The following TMOD2 variants were observed in gnomAD, a reference collection of about 807,000 sequenced individuals.
TMOD2 encodes tropomodulin 2, also known as tropomodulin-2.
In TMOD2, 22 loss-of-function variants were observed where a neutral mutation model predicts 39.9. The observed-to-expected ratio is 0.55, with a 90% CI of 0.39 to 0.79. The LOEUF (loss-of-function observed/expected upper bound fraction) is 0.79. TMOD2 is among the 30% of genes least tolerant of loss of function. The pLI is 0.00. For synonymous variants in TMOD2, 123 were observed against 146.1 expected, an observed-to-expected ratio of 0.84 and a Z score of 1.14; for missense variants, 386 against 413.3, an observed-to-expected ratio of 0.93 and a Z score of 0.57.
At chr15:51,774,116 T>A (rs962074656) in intron 4 of TMOD2, among the ~76,000 whole-genome samples, 1 of 152,210 alleles carries the variant, frequency 6.6e-6, no homozygotes, top group Admixed American at 6.5e-5. Context: ...ATTTAGAGAA[T>A]AAAACAACAG....
intron 5 of TMOD2, among the ~76,000 whole-genome samples, chr15:51,778,507 T>A (rs1344218613): frequency 2.7e-4 from 37 of 138,932 alleles, no homozygotes; most frequent in Non-Finnish European, 4.5e-4. Flanking sequence ...AATTAAAAAT[T>A]AAAAAAAAAA....
intron 1 of TMOD2, among the ~76,000 whole-genome samples, chr15:51,765,840 A>T (rs775496735): frequency 1.3e-5 from 2 of 152,252 alleles, no homozygotes; most frequent in Non-Finnish European, 2.9e-5. Context: ...GAGTTACTGG[A>T]CAATGCTTTC....
chr15:51,782,828 T>C lies in TMOD2; in HGVS notation c.732T>C (p.Ile244=). 1 of 1,612,268 alleles carries C rather than the reference T, an allele frequency of 6.2e-7. No homozygotes were observed. ...AATRSNDPVA[I]AFADMLKVNK... ...CTCGCAGCAATGACCCTGTGGCCATTGTGAGTAAAATTCTTAGAAATATAA... is the reference window on the plus strand; with the variant it reads ...CTCGCAGCAATGACCCTGTGGCCATCGTGAGTAAAATTCTTAGAAATATAA... The change falls in exon 7 of 10, where the codon ATT becomes ATC. Residue 244 remains isoleucine, a splice_region_variant and synonymous_variant. Coordinates refer to ENST00000249700, the MANE Select transcript of TMOD2 (RefSeq NM_014548.4).
rs149496146 is a variant in TMOD2 at position 51,753,776 on chromosome 15, TA to T, written c.-70+2065del. Among the ~76,000 whole-genome samples, 252 of 147,302 alleles carry T rather than the reference TA, an allele frequency of 1.7e-3. 9 individuals carry two copies. Among genetic ancestry groups the T allele is most frequent in the East Asian group, 0.017 (86 of 5,064 alleles). On this transcript the variant is annotated intron_variant, in intron 1 of 9. Transcript: ENST00000249700. Reference sequence around the variant, plus strand: ...TGTGTCAGAAAAAAAAAAAAAAGGATAGGGGTAGCAGAACAAGTTCAGGAAC... The same window carrying T: ...TGTGTCAGAAAAAAAAAAAAAAGGATGGGGTAGCAGAACAAGTTCAGGAAC...
At chr15:51,800,136 T>A (rs2056078273) in intron 8 of TMOD2, among the ~76,000 whole-genome samples, 1 of 152,240 alleles carries the variant, frequency 6.6e-6, no homozygotes, top group African/African-American at 2.4e-5. Flanking sequence ...TAACTGGGTG[T>A]CCTGTATTTT....
intron 7 of TMOD2, among the ~76,000 whole-genome samples, chr15:51,789,439 TAGAC>T (rs1449649217): frequency 6.6e-6 from 1 of 152,142 alleles, no homozygotes; most frequent in Non-Finnish European, 1.5e-5. Context: ...CTGTCAATAT[TAGAC>T]AGATCAATGA....
intron 8 of TMOD2, among the ~76,000 whole-genome samples, chr15:51,801,246 C>CACACACAT (rs2056086816): frequency 7.6e-6 from 1 of 130,868 alleles, no homozygotes; most frequent in African/African-American, 3.0e-5. Context: ...CTCACACACA[C>CACACACAT]ACACACACAC....
chr15:51,781,410 G>A (rs1244731423), intron 6 of TMOD2, among the ~76,000 whole-genome samples: 1 of 152,226 alleles, frequency 6.6e-6, no homozygotes, highest in African/African-American at 2.4e-5. Context: ...CTATTGCTGA[G>A]TAACAAATTA....
intron 8 of TMOD2, among the ~76,000 whole-genome samples, chr15:51,803,572 A>G (rs1231554155): frequency 3.9e-5 from 6 of 152,242 alleles, no homozygotes; most frequent in Non-Finnish European, 7.3e-5. Context: ...GGAAGAAATC[A>G]GGAAGAGTAG....
chr15:51,805,327 A>C (rs77038318), intron 8 of TMOD2, among the ~76,000 whole-genome samples: 4,774 of 152,222 alleles, frequency 0.031, 122 homozygotes, highest in Non-Finnish European at 0.05. Context: ...TGTCTCAAAC[A>C]AAAAAACCTC....
intron 5 of TMOD2, 100 bp from the exon 6 acceptor site, chr15:51,780,944 T>C (rs1595869966): frequency 1.1e-6 from 1 of 934,046 alleles, no homozygotes; most frequent in Non-Finnish European, 1.6e-6. Flanking sequence ...TAAAGTGTTA[T>C]TGGAATCAGC....
Position 51,766,377 on chromosome 15 carries a change from C to T in TMOD2, c.-65C>T. ...GTGTTTCTTTTTTATTAACAGTATTCTGAAGTCTCAGGAAACTGGACCATT... is the reference window on the plus strand; with the variant it reads ...GTGTTTCTTTTTTATTAACAGTATTTTGAAGTCTCAGGAAACTGGACCATT... On this transcript the variant is annotated 5_prime_UTR_variant, in exon 2 of 10. Transcript: ENST00000249700. 1.4e-6 allele frequency: 2 copies of T among 1,480,958 alleles called. No individual in the cohort carries two copies. Among genetic ancestry groups the T allele is most frequent in the Non-Finnish European group, 1.8e-6 (2 of 1,088,410 alleles). The allele number at this position is 1,480,958 out of a possible 1,614,324, so 91.7% of individuals were successfully genotyped here. A position where few individuals can be genotyped will look rare whatever the true frequency, so the allele number is the denominator to read the frequency against.
At chr15:51,768,234 C>T (rs1286666967) in intron 2 of TMOD2, 28 bp from the exon 3 acceptor site, 2 of 1,613,570 alleles carry the variant, frequency 1.2e-6, no homozygotes, top group Admixed American at 1.7e-5. Flanking sequence ...AGACATCTTC[C>T]TTCCTGCTCA....
intron 1 of TMOD2, among the ~76,000 whole-genome samples, chr15:51,753,828 G>A (rs1485406547): frequency 2.6e-5 from 4 of 151,818 alleles, no homozygotes; most frequent in South Asian, 2.1e-4. Flanking sequence ...GAATGATGAC[G>A]GTTGGTGAAT....
intron 7 of TMOD2, among the ~76,000 whole-genome samples, chr15:51,790,071 G>A (rs1438758455): frequency 6.6e-6 from 1 of 152,144 alleles, no homozygotes; most frequent in African/African-American, 2.4e-5. Flanking sequence ...GAATCCAGGA[G>A]CTGGTTTTTT....
At chr15:51,775,148 G>A (rs919720435) in intron 4 of TMOD2, among the ~76,000 whole-genome samples, 6 of 152,100 alleles carry the variant, frequency 3.9e-5, no homozygotes, top group South Asian at 4.2e-4. Flanking sequence ...AAAGAGTGTC[G>A]GCATATTGCC....
At chr15:51,772,583 A>G (rs2055860508) in intron 3 of TMOD2, among the ~76,000 whole-genome samples, 1 of 152,208 alleles carries the variant, frequency 6.6e-6, no homozygotes, top group Non-Finnish European at 1.5e-5. Flanking sequence ...AATCTTGCTG[A>G]TAGGATGAAA....
intron 8 of TMOD2, among the ~76,000 whole-genome samples, chr15:51,805,256 G>A (rs1355888766): frequency 5.3e-5 from 8 of 151,714 alleles, no homozygotes; most frequent in Admixed American, 2.6e-4. Flanking sequence ...CACGGTGCCC[G>A]GCCTCCGTCT....
intron 2 of TMOD2, 24 bp from the exon 3 acceptor site, chr15:51,768,238 C>T (rs201400000): frequency 9.7e-5 from 157 of 1,613,750 alleles, no homozygotes; most frequent in Non-Finnish European, 1.3e-4. Context: ...ATCTTCCTTC[C>T]TGCTCACACC....
Sources: allele counts gnomAD v4.1 joint callset (sites outside exome capture counted in the v4.1 genomes callset), GRCh38; gene constraint gnomAD v4.1.1; transcripts MANE v1.5; gene names NCBI Gene and HGNC (gene_info 2026-07-23, HGNC 2026-07-21).